The following INSC variants were observed in gnomAD, a reference collection of about 807,000 sequenced individuals.
The protein encoded by INSC is protein inscuteable homolog.
Under a neutral mutation model 58.6 loss-of-function variants are expected in INSC, and 67 were observed. That is an observed-to-expected ratio of 1.14 (90% CI 0.94 to 1.40). The LOEUF is 1.40. INSC is among the 40% of genes most tolerant of loss of function. INSC has a pLI of 0.00. For missense variants in INSC, 714 were observed against 692.0 expected, an observed-to-expected ratio of 1.03 and a Z score of -0.36; for synonymous variants, 262 against 276.1, an observed-to-expected ratio of 0.95 and a Z score of 0.51.
chr11:15,257,665 T>G, the INSC span, among the ~76,000 whole-genome samples: 7 of 152,156 alleles, frequency 4.6e-5, no homozygotes, highest in Non-Finnish European at 8.8e-5. Flanking sequence ...TAATGCAGTA[T>G]GACTAGTGTC....
chr11:15,259,497 A>G, the INSC span, among the ~76,000 whole-genome samples: 1 of 152,222 alleles, frequency 6.6e-6, no homozygotes, highest in Admixed American at 6.5e-5. Context: ...TCCTGATATA[A>G]GAAAGAGTTG....
intron 1 of INSC, among the ~76,000 whole-genome samples, chr11:15,119,736 C>T (rs1470001349): frequency 6.6e-6 from 1 of 152,186 alleles, no homozygotes; most frequent in Non-Finnish European, 1.5e-5. Flanking sequence ...CTCAGGCCAT[C>T]TCACTTCTTT....
intron 2 of INSC, among the ~76,000 whole-genome samples, chr11:15,158,042 A>C (rs1848878079): frequency 6.6e-6 from 1 of 151,950 alleles, no homozygotes; most frequent in Non-Finnish European, 1.5e-5. Context: ...TCACACTCAT[A>C]TCCTATCCTG....
downstream of INSC, among the ~76,000 whole-genome samples, chr11:15,247,760 A>G (rs1439504760): frequency 9.9e-6 from 1 of 100,958 alleles, no homozygotes; most frequent in African/African-American, 3.6e-5. Flanking sequence ...TATATATTTC[A>G]CTGAGTTGTG....
chr11:15,229,316 GA>G (rs1252309919), intron 9 of INSC, among the ~76,000 whole-genome samples: 2 of 152,116 alleles, frequency 1.3e-5, no homozygotes, highest in African/African-American at 4.8e-5. Flanking sequence ...ACCTCACTGT[GA>G]ATACCATTTA....
intron 7 of INSC, among the ~76,000 whole-genome samples, chr11:15,213,996 T>G (rs1407769775): frequency 6.6e-6 from 1 of 152,218 alleles, no homozygotes; most frequent in Non-Finnish European, 1.5e-5. Flanking sequence ...CTTAGACTGT[T>G]GCAGACGTCA....
intron 5 of INSC, among the ~76,000 whole-genome samples, chr11:15,187,055 A>T (rs1425193780): frequency 6.6e-6 from 1 of 152,114 alleles, no homozygotes; most frequent in Non-Finnish European, 1.5e-5. Flanking sequence ...GGTGCCATGG[A>T]GGGGATGGCT....
rs116360042 is a variant in INSC at position 15,151,400 on chromosome 11, A to G, written c.56+2170A>G. Among the ~76,000 whole-genome samples the G allele has an allele frequency of 1.6e-3, 240 of 152,212 alleles. 2 individuals carry two copies. The highest frequency in any genetic ancestry group is 5.6e-3 in the African/African-American group (233 of 41,506). ...AGGTTAGGGACTGCTGGTATAAATA[A>G]CAGTAATAATCTCTCTCCCTCCCAC... On this transcript the variant is annotated intron_variant, in intron 2 of 12. Transcript: ENST00000379556.
chr11:15,228,182 C>T (rs912372136), intron 9 of INSC, among the ~76,000 whole-genome samples: 2 of 152,204 alleles, frequency 1.3e-5, no homozygotes, highest in African/African-American at 4.8e-5. Flanking sequence ...GTGTGGCACA[C>T]AGCATTGAAT....
rs114613301 is a variant in INSC, at chr11:15,146,737, G to A, written c.-45-2393G>A. On this transcript the variant is annotated intron_variant, in intron 1 of 12. Coordinates refer to ENST00000379556, the MANE Select transcript of INSC (RefSeq NM_001042536.3). ...CTTCTTTCTGAAGGGTTCACAGGTC[G>A]GTGATCCAGAATAGGCTATTGAATG... 2.0e-3 allele frequency among the ~76,000 whole-genome samples: 312 copies of A among 152,310 alleles called. 1 individual carries two copies. The highest frequency in any genetic ancestry group is 7.0e-3 in the African/African-American group (292 of 41,566).
intron 6 of INSC, among the ~76,000 whole-genome samples, chr11:15,194,994 G>A (rs922542895): frequency 6.6e-6 from 1 of 152,190 alleles, no homozygotes; most frequent in Non-Finnish European, 1.5e-5. Context: ...CTTTCCAAGT[G>A]ATTCTACTGT....
At position 15,176,132 on chromosome 11, in the gene INSC, T is replaced by G. The variant is rs1369098498; in HGVS notation, c.402+46T>G. 2.8e-6 allele frequency: 4 copies of G among 1,433,710 alleles called. No homozygotes were observed. In the South Asian group the frequency reaches 5.8e-5, roughly 21 times the overall value. 88.8% of individuals were successfully genotyped at this position (1,433,710 alleles called of 1,614,324 possible). A position where few individuals can be genotyped will look rare whatever the true frequency, so the allele number is the denominator to read the frequency against. ...AGTGGGCGGGAACTGGAAGTCAGGG[T>G]GCTTTAGAGAAGAGTGGGTTTGAAT... On this transcript the variant is annotated intron_variant, in intron 3 of 12. Coordinates refer to ENST00000379556, the MANE Select transcript of INSC (RefSeq NM_001042536.3).
intron 9 of INSC, among the ~76,000 whole-genome samples, chr11:15,230,858 G>A (rs377551338): frequency 2.0e-4 from 30 of 152,294 alleles, no homozygotes; most frequent in African/African-American, 7.0e-4. Context: ...CTTTTATCAT[G>A]TGGTCTCCTA....
chr11:15,124,078 G>A (rs1380218301), intron 1 of INSC, among the ~76,000 whole-genome samples: 3 of 152,078 alleles, frequency 2.0e-5, no homozygotes, highest in African/African-American at 7.2e-5. Context: ...ATCTCCTCTT[G>A]TTCATTCACC....
At chr11:15,212,031 A>T (rs2133909057) in intron 7 of INSC, among the ~76,000 whole-genome samples, 1 of 152,310 alleles carries the variant, frequency 6.6e-6, no homozygotes, top group Non-Finnish European at 1.5e-5. Flanking sequence ...TTTTAGAATC[A>T]GCTTGTCAAT....
At chr11:15,256,575 C>T in the INSC span, among the ~76,000 whole-genome samples, 4 of 151,912 alleles carry the variant, frequency 2.6e-5, no homozygotes, top group East Asian at 3.9e-4. Flanking sequence ...CCGCAACCTC[C>T]GCCTTCCAGT....
At chr11:15,205,956 C>T (rs769235073) in intron 7 of INSC, among the ~76,000 whole-genome samples, 2 of 152,164 alleles carry the variant, frequency 1.3e-5, no homozygotes, top group Non-Finnish European at 2.9e-5. Flanking sequence ...ACAGCAAAGG[C>T]CTCTCCACAA....
chr11:15,168,462 A>G (rs1388492661), intron 2 of INSC, among the ~76,000 whole-genome samples: 2 of 152,334 alleles, frequency 1.3e-5, no homozygotes, highest in East Asian at 3.9e-4. Context: ...ATGGTGCTCA[A>G]TGCATGGGAT....
rs143783783 is a variant in INSC at position 15,204,623 on chromosome 11, C to G, written c.819+3674C>G. ...GAAGATGGTGAAGACCAGGCACAGG[C>G]CGGATTGTAGAAACCACAGAGTGAC... On this transcript the variant is annotated intron_variant, in intron 7 of 12. Coordinates refer to ENST00000379556, the MANE Select transcript of INSC (RefSeq NM_001042536.3). 3.1e-3 allele frequency among the ~76,000 whole-genome samples: 477 copies of G among 152,272 alleles called. 2 individuals carry two copies. Among genetic ancestry groups the G allele is most frequent in the Admixed American group, 5.2e-3 (79 of 15,302 alleles).
Sources: allele counts gnomAD v4.1 joint callset (sites outside exome capture counted in the v4.1 genomes callset), GRCh38; gene constraint gnomAD v4.1.1; transcripts MANE v1.5; gene names NCBI Gene and HGNC (gene_info 2026-07-23, HGNC 2026-07-21).